AURKC: variants seen among roughly 807,000 people sequenced by gnomAD.
AURKC encodes ARK-3.
In AURKC, 15 loss-of-function variants were observed where a neutral mutation model predicts 29.2. The observed-to-expected ratio is 0.51, with a 90% confidence interval of 0.34 to 0.79. The LOEUF (loss-of-function observed/expected upper bound fraction) is 0.79. Among genes scored for constraint, AURKC ranks in the 30% least tolerant of loss-of-function variants. AURKC has a pLI of 0.01. For missense variants in AURKC, 332 were observed against 383.2 expected, an observed-to-expected ratio of 0.87 and a Z score of 1.12; for synonymous variants, 150 against 149.9, an observed-to-expected ratio of 1.00 and a Z score of -0.01.
chr19:57,233,001 C>G (rs1001478401), intron 4 of AURKC, among the ~76,000 whole-genome samples: 2 of 152,126 alleles, frequency 1.3e-5, no homozygotes, highest in African/African-American at 4.8e-5. Flanking sequence ...GAATAAATAG[C>G]TAGAACTGGC....
rs1353762171 is a variant in AURKC, at chr19:57,235,000, TG to T, written c.704del (p.Gly235AspfsTer20). 19 of 1,614,060 alleles carry T rather than the reference TG, an allele frequency of 1.2e-5. No homozygotes were observed. The highest frequency in any genetic ancestry group is 1.6e-5 in the Non-Finnish European group (19 of 1,180,044). On this transcript the variant is annotated frameshift_variant, in exon 6 of 7. Transcript: ENST00000302804. LOFTEE classifies it high-confidence loss of function. ...CIGVLCYELL[V>X]GYPPFESASH... The stretch of plus-strand genomic sequence containing the variant: ...GGAGTGCTCTGCTATGAGCTGCTGG[TG>T]GGATATCCACCCTTTGAGAGCGCCT...
chr19:57,232,297 A>C lies in AURKC; in HGVS notation c.296+73A>C, dbSNP rs2087501250. ...GCATTTTCCCCAAATACTAACCCCA[A>C]GTAAACCCTGCACTTGTACCTTGAA... On this transcript the variant is annotated intron_variant, in intron 3 of 6. Transcript: ENST00000302804. This position sits in a 1 kb window ranked among gnomAD's most constrained non-coding sequence, Gnocchi z 4.5. 1 of 1,568,082 alleles carries C rather than the reference A, an allele frequency of 6.4e-7. No homozygotes were observed. Among genetic ancestry groups the C allele is most frequent in the Non-Finnish European group, 8.7e-7 (1 of 1,151,348 alleles).
rs141586605 is a variant in AURKC at position 57,233,540 on chromosome 19, G to C, written c.516G>C (p.Leu172=). Reference sequence around the variant, plus strand: ...ACAGAGATATTAAGCCAGAGAACCTGCTGCTGGGGTTCAGGGGTGAGGTGA... The same window carrying C: ...ACAGAGATATTAAGCCAGAGAACCTCCTGCTGGGGTTCAGGGGTGAGGTGA... ...VIHRDIKPEN[L]LLGFRGEVKI... Residue 172 remains leucine (L), a synonymous_variant, in exon 5 of 7, where the codon CTG becomes CTC. Transcript: ENST00000302804. 3.1e-6 allele frequency: 5 copies of C among 1,614,076 alleles called. No individual in the cohort carries two copies. The African/African-American group carries it at 5.3e-5, about 17-fold the overall frequency.
In AURKC at chr19:57,231,166, C is replaced by T. The variant is rs900968766; in HGVS notation, c.-83C>T. The T allele has an allele frequency of 7.1e-6, 11 of 1,550,622 alleles. No homozygotes were observed. Among genetic ancestry groups the T allele is most frequent in the Admixed American group, 2.0e-5 (1 of 50,930 alleles). On this transcript the variant is annotated 5_prime_UTR_variant, in exon 1 of 7. Coordinates refer to ENST00000302804, the MANE Select transcript of AURKC (RefSeq NM_001015878.2). ...GAAGCGCCCCGGCCAGAAAGTGACC[C>T]CCCACCCCTTTCAGGACCCTGTGAA...
chr19:57,231,858 G>T lies in AURKC; in HGVS notation c.104+71G>T, dbSNP rs2087495218. ...CGTGGGGATGAAGAACAGACTGGGT[G>T]TGTGGGGTGCTGGCTCCTGGGAACG... On this transcript the variant is annotated intron_variant, in intron 2 of 6. Coordinates refer to ENST00000302804, the MANE Select transcript of AURKC (RefSeq NM_001015878.2). The T allele has an allele frequency of 1.9e-6, 3 of 1,613,446 alleles. No homozygotes were observed. In the Admixed American group the frequency reaches 5.0e-5, roughly 27 times the overall value.
chr19:57,232,041 T>G lies in AURKC; in HGVS notation c.113T>G (p.Leu38Arg), dbSNP rs761609075. 6.2e-7 allele frequency: 1 copy of G among 1,614,052 alleles called. No individual in the cohort carries two copies. The highest frequency in any genetic ancestry group is 1.7e-5 in the Admixed American group (1 of 59,994). The change falls in exon 3 of 7, where the codon CTC becomes CGC. Residue 38 changes from leucine to arginine, a missense_variant. Leu to Arg is a moderately radical substitution (Grantham distance 102, BLOSUM62 -2). Coordinates refer to ENST00000302804, the MANE Select transcript of AURKC (RefSeq NM_001015878.2). The surrounding 1 kb of genome is among the most constrained non-coding windows in gnomAD (Gnocchi z 4.5). The part of the protein sequence containing the change: ...QQPSSPAMRR[L>R]TVDDFEIGRP... Reference sequence around the variant, plus strand: ...TCTTCCTCTCCTGTCAGGCGGCGCCTCACAGTCGATGACTTTGAAATCGGG... The same window carrying G: ...TCTTCCTCTCCTGTCAGGCGGCGCCGCACAGTCGATGACTTTGAAATCGGG...
intron 5 of AURKC, among the ~76,000 whole-genome samples, chr19:57,234,083 G>A (rs1418879743): frequency 8.8e-6 from 1 of 113,502 alleles, no homozygotes; most frequent in South Asian, 2.7e-4. Flanking sequence ...TTGAGACAGA[G>A]TTTTGCTCTT....
At chr19:57,235,186 G>A (rs925882387) in intron 6 of AURKC, 61 bp from the exon 7 acceptor site, 1 of 1,611,696 alleles carries the variant, frequency 6.2e-7, no homozygotes, top group African/African-American at 1.3e-5. Context: ...TCAAAGAAGA[G>A]GGAGGACATT....
At position 57,235,327 on chromosome 19, in the gene AURKC, G is replaced by A. The variant is rs755502739; in HGVS notation, c.840G>A (p.Glu280=). ...ISRLLRYQPL[E]RLPLAQILKH... ...GGCTTCTCAGATACCAGCCCTTGGA[G>A]AGACTGCCCCTGGCCCAGATCCTGA... The change falls in exon 7 of 7, where the codon GAG becomes GAA. Residue 280 remains glutamate, a synonymous_variant. Transcript: ENST00000302804. 4.3e-6 allele frequency: 7 copies of A among 1,614,072 alleles called. No individual in the cohort carries two copies. The African/African-American group carries it at 5.3e-5, about 12-fold the overall frequency.
At chr19:57,231,533 C>T in intron 1 of AURKC, 1 of 744,970 alleles carries the variant, frequency 1.3e-6, no homozygotes, top group South Asian at 1.7e-5. Flanking sequence ...TCCTCCTCCC[C>T]TCCCTACCTT....
Position 57,231,152 on chromosome 19 carries a change from G to T in AURKC, c.-97G>T, listed in dbSNP as rs1198612702. On this transcript the variant is annotated 5_prime_UTR_variant, in exon 1 of 7. Transcript: ENST00000302804. ...GACGAGCAGGATTGGAAGCGCCCCG[G>T]CCAGAAAGTGACCCCCCACCCCTTT... 1.3e-6 allele frequency: 2 copies of T among 1,528,704 alleles called. No homozygotes were observed. The highest frequency in any genetic ancestry group is 8.9e-7 in the Non-Finnish European group (1 of 1,127,888). The allele number at this position is 1,528,704 out of a possible 1,614,324, so 94.7% of individuals were successfully genotyped here. A position where few individuals can be genotyped will look rare whatever the true frequency, so the allele number is the denominator to read the frequency against.
chr19:57,233,132 C>G (rs2087510630), intron 4 of AURKC, among the ~76,000 whole-genome samples: 1 of 152,168 alleles, frequency 6.6e-6, no homozygotes. Context: ...TCCATCTTTC[C>G]TCCTGTTTCT....
In AURKC at chr19:57,235,078, G is replaced by A. The variant is rs780749112; in HGVS notation, c.759+20G>A. The A allele has an allele frequency of 7.4e-6, 12 of 1,613,994 alleles. No individual in the cohort carries two copies. In the South Asian group the frequency reaches 1.1e-4, roughly 15 times the overall value. On this transcript the variant is annotated intron_variant, in intron 6 of 6. Transcript: ENST00000302804. ...CTCAAGGTGGGACAGTCACCTTTGG[G>A]CATTCATGGGGGAGCTGGTCAGTGA... is the stretch of plus-strand genomic sequence containing the variant.
rs999410039 is a variant in AURKC at position 57,231,027 on chromosome 19, G to C, written c.-222G>C. 5.3e-5 allele frequency: 55 copies of C among 1,044,526 alleles called. 2 individuals are homozygous for C. The South Asian group carries it at 6.1e-4, about 12-fold the overall frequency. 64.7% of individuals were successfully genotyped at this position (1,044,526 alleles called of 1,614,324 possible). On this transcript the variant is annotated 5_prime_UTR_variant, in exon 1 of 7. Coordinates refer to ENST00000302804, the MANE Select transcript of AURKC (RefSeq NM_001015878.2). ...CCAGCCAGGAAGTACCTCTCTGAGC[G>C]GTTGGTGCCGGGTATAAAAGAAGGC...
chr19:57,231,083 G>A lies in AURKC; in HGVS notation c.-166G>A. ...AGCCACGGCTGCTCACGACGCCGCG[G>A]ATCCCGAAGCCTGTGTAGCAGTGAG... On this transcript the variant is annotated 5_prime_UTR_variant, in exon 1 of 7. Coordinates refer to ENST00000302804, the MANE Select transcript of AURKC (RefSeq NM_001015878.2). 1 of 1,496,682 alleles carries A rather than the reference G, an allele frequency of 6.7e-7. No individual in the cohort carries two copies. The highest frequency in any genetic ancestry group is 9.1e-7 in the Non-Finnish European group (1 of 1,096,158). The allele number at this position is 1,496,682 out of a possible 1,614,324, so 92.7% of individuals were successfully genotyped here.
chr19:57,232,395 C>A lies in AURKC; in HGVS notation c.297-147C>A. On this transcript the variant is annotated intron_variant, in intron 3 of 6. Transcript: ENST00000302804. This position sits in a 1 kb window ranked among gnomAD's most constrained non-coding sequence, Gnocchi z 4.5. Reference sequence around the variant, plus strand: ...AGACACTCGAATCCTGGTTCCTGTTCTCCGTTCTCCCCTCACTTGCTCCCA... The same window carrying A: ...AGACACTCGAATCCTGGTTCCTGTTATCCGTTCTCCCCTCACTTGCTCCCA... The A allele has an allele frequency of 6.9e-7, 1 of 1,442,804 alleles. No homozygotes were observed. The highest frequency in any genetic ancestry group is 9.6e-7 in the Non-Finnish European group (1 of 1,037,832). 89.4% of individuals were successfully genotyped at this position (1,442,804 alleles called of 1,614,324 possible). A position where few individuals can be genotyped will look rare whatever the true frequency, so the allele number is the denominator to read the frequency against.
Position 57,234,803 on chromosome 19 carries a change from C to T in AURKC, c.585-81C>T, listed in dbSNP as rs1165776919. 3.2e-6 allele frequency: 5 copies of T among 1,570,024 alleles called. No homozygotes were observed. In the African/African-American group the frequency reaches 4.0e-5, roughly 13 times the overall value. ...CCAGGGTGTCCTAGGGTCTCCACAT[C>T]TCAATGAAAGCTGGGGAAGGAGAAT... On this transcript the variant is annotated intron_variant, in intron 5 of 6. Transcript: ENST00000302804.
chr19:57,232,591 G>C lies in AURKC; in HGVS notation c.346G>C (p.Val116Leu). The C allele has an allele frequency of 6.2e-7, 1 of 1,614,130 alleles. No homozygotes were observed. Among genetic ancestry groups the C allele is most frequent in the South Asian group, 1.1e-5 (1 of 91,074 alleles). Residue 116 changes from valine to leucine, a missense_variant, in exon 4 of 7, where the codon GTG (valine) becomes CTG (leucine). By Grantham distance (32) the Val-to-Leu change is conservative (BLOSUM62 1). Transcript: ENST00000302804. The surrounding 1 kb of genome is among the most constrained non-coding windows in gnomAD (Gnocchi z 4.5). ...TAACTATTTCCATGATGCACGCCGG[G>C]TGTACCTGATTCTGGAATATGCTCC... ...LYNYFHDARR[V>L]YLILEYAPRG...
intron 5 of AURKC, among the ~76,000 whole-genome samples, chr19:57,234,647 A>C (rs973584365): frequency 1.3e-5 from 2 of 152,214 alleles, no homozygotes; most frequent in African/African-American, 2.4e-5. Context: ...AACATTCTGG[A>C]GCATGAGCTA....
Sources: gnomAD v4.1 joint callset for allele counts (sites outside exome capture counted in the v4.1 genomes callset) on GRCh38, gnomAD v4.1.1 for gene constraint, Gnocchi (gnomAD v3.1) non-coding constraint, MANE v1.5 for transcripts, NCBI Gene and HGNC (gene_info 2026-07-23, HGNC 2026-07-21) for gene names.